Variants in MIA2 observed in about 807,000 individuals in gnomAD.
MIA2 encodes MIA SH3 domain ER export factor 2.
A neutral mutation model predicts 167.8 loss-of-function variants in MIA2; 127 were observed. The observed-to-expected ratio is 0.76, with a 90% CI of 0.66 to 0.88. The LOEUF (loss-of-function observed/expected upper bound fraction) is 0.88. Ranked by LOEUF, MIA2 falls within the 40% of genes least tolerant of loss-of-function variation. The pLI is 0.00. For missense variants in MIA2, 1,690 were observed against 1,624.7 expected (o/e 1.04, Z -0.69); for synonymous variants, 552 against 541.9 (o/e 1.02, Z -0.26).
At chr14:39,288,233 G>A (rs2060080002) in intron 9 of MIA2, among the ~76,000 whole-genome samples, 1 of 151,600 alleles carries the variant, frequency 6.6e-6, no homozygotes, top group African/African-American at 2.4e-5. Flanking sequence ...AGCATGAGGT[G>A]GGAGGATGGC....
At chr14:39,263,948 T>G (rs2055283739) in intron 6 of MIA2, among the ~76,000 whole-genome samples, 1 of 152,154 alleles carries the variant, frequency 6.6e-6, no homozygotes, top group Non-Finnish European at 1.5e-5. Context: ...CCTTTCTTTC[T>G]TATTTCCATG....
chr14:39,371,266 T>C (rs1199069014), intron 23 of MIA2, among the ~76,000 whole-genome samples: 1 of 152,188 alleles, frequency 6.6e-6, no homozygotes, highest in Non-Finnish European at 1.5e-5. Context: ...TTAGGATAAG[T>C]TTAGGAATGT....
downstream of MIA2, among the ~76,000 whole-genome samples, chr14:39,355,116 G>A (rs1033229050): frequency 2.7e-5 from 4 of 150,912 alleles, no homozygotes; most frequent in African/African-American, 7.3e-5. Context: ...AGCTTGATGG[G>A]GATGGCATTG....
At chr14:39,290,960 C>G (rs2060654116) in intron 9 of MIA2, 59 bp from the exon 10 acceptor site, 1 of 1,409,346 alleles carries the variant, frequency 7.1e-7, no homozygotes, top group African/African-American at 1.5e-5. Context: ...GGCATCTATC[C>G]AGATAAGATT....
chr14:39,356,745 T>C (rs2074538471), intron 23 of MIA2, among the ~76,000 whole-genome samples: 5 of 152,336 alleles, frequency 3.3e-5, no homozygotes, highest in African/African-American at 1.2e-4. Flanking sequence ...GATTCTGGTA[T>C]GTTGTATCTT....
At chr14:39,298,304 T>C (rs981228238) in intron 13 of MIA2, among the ~76,000 whole-genome samples, 2 of 151,266 alleles carry the variant, frequency 1.3e-5, no homozygotes, top group Non-Finnish European at 2.9e-5. Context: ...TAATACTGTA[T>C]ACTGTGTACT....
At chr14:39,316,977 C>A (rs2065567188) in intron 21 of MIA2, among the ~76,000 whole-genome samples, 1 of 152,144 alleles carries the variant, frequency 6.6e-6, no homozygotes, top group African/African-American at 2.4e-5. Flanking sequence ...AATTCCACAT[C>A]CCTCCCTCAC....
chr14:39,354,361 T>G (rs905581786), downstream of MIA2, among the ~76,000 whole-genome samples: 5 of 152,246 alleles, frequency 3.3e-5, no homozygotes, highest in Non-Finnish European at 4.4e-5. Context: ...CATAAATGTC[T>G]TCTTTTGAGA....
chr14:39,362,463 G>T (rs543283624), intron 23 of MIA2, among the ~76,000 whole-genome samples: 21 of 152,166 alleles, frequency 1.4e-4, no homozygotes, highest in African/African-American at 4.6e-4. Context: ...GGTTTTTTCA[G>T]TTTGTTAGCA....
chr14:39,325,015 G>A (rs1448577553), intron 24 of MIA2, among the ~76,000 whole-genome samples: 1 of 152,126 alleles, frequency 6.6e-6, no homozygotes, highest in Non-Finnish European at 1.5e-5. Flanking sequence ...TTGAGCCCAG[G>A]AGTTCAAGAC....
At chr14:39,259,418 A>G (rs1425427250) in intron 6 of MIA2, among the ~76,000 whole-genome samples, 1 of 152,266 alleles carries the variant, frequency 6.6e-6, no homozygotes, top group Non-Finnish European at 1.5e-5. Flanking sequence ...GAAGGAGAGT[A>G]TCTCTTTCAA....
chr14:39,238,687 T>C (rs886232757), intron 2 of MIA2, among the ~76,000 whole-genome samples: 1 of 149,476 alleles, frequency 6.7e-6, no homozygotes, highest in African/African-American at 2.5e-5. Context: ...GCCAGTTACT[T>C]GAGAGGCTAA....
intron 10 of MIA2, 66 bp from the exon 11 acceptor site, chr14:39,293,205 T>C (rs775646336): frequency 9.3e-7 from 1 of 1,072,366 alleles, no homozygotes; most frequent in East Asian, 2.4e-5. Flanking sequence ...TTTTTTATTA[T>C]GCTCGTCTGA....
chr14:39,387,783 C>T (rs757019805), exon 24 of MIA2: 2 of 152,178 alleles, frequency 1.3e-5, no homozygotes, highest in Non-Finnish European at 2.9e-5. Flanking sequence ...AAGAAATTGC[C>T]AGAGCCACCC....
Position 39,306,254 on chromosome 14 carries a change from T to A in MIA2, c.2878+1873T>A, listed in dbSNP as rs1307071890. Among the ~76,000 whole-genome samples, 3 of 152,206 alleles carry A rather than the reference T, an allele frequency of 2.0e-5. No individual in the cohort carries two copies. The East Asian group carries it at 5.8e-4, about 29-fold the overall frequency. On this transcript the variant is annotated intron_variant, in intron 17 of 28. Transcript: ENST00000640607. ...GGGTTATATTAGTCCGTTCTCACAT[T>A]GCTGTAAAGAACTACCTGAAACTGA...
rs1430102432 is a variant in MIA2, at chr14:39,314,728, G to A, written c.3120-11G>A. ...TATGTTAATAGTAGAATAATTATTCGTTCCATTTAGAAAGCGAGCCAAAGA... is the reference window on the plus strand; with the variant it reads ...TATGTTAATAGTAGAATAATTATTCATTCCATTTAGAAAGCGAGCCAAAGA... On this transcript the variant is annotated splice_polypyrimidine_tract_variant and intron_variant, in intron 19 of 28. Transcript: ENST00000640607. 5.7e-6 allele frequency: 9 copies of A among 1,581,418 alleles called. No homozygotes were observed. The highest frequency in any genetic ancestry group is 4.2e-5 in the African/African-American group (3 of 72,168).
At chr14:39,307,504 C>T (rs2063547035) in intron 17 of MIA2, among the ~76,000 whole-genome samples, 1 of 138,504 alleles carries the variant, frequency 7.2e-6, no homozygotes, top group Non-Finnish European at 1.5e-5. Context: ...TAGGTTCAAG[C>T]AATTCTCCTT....
intron 6 of MIA2, chr14:39,266,828 G>T (rs2152674212): frequency 1.2e-6 from 1 of 824,146 alleles, no homozygotes; most frequent in East Asian, 1.2e-4. Flanking sequence ...GCCTGGCGTC[G>T]GCCCCTGGGT....
At position 39,350,143 on chromosome 14, in the gene MIA2, C is replaced by T. The variant is rs772247441; in HGVS notation, c.4118C>T (p.Pro1373Leu). 2 of 1,400,988 alleles carry T rather than the reference C, an allele frequency of 1.4e-6. No individual in the cohort carries two copies. The highest frequency in any genetic ancestry group is 1.3e-5 in the South Asian group (1 of 77,378). 86.8% of individuals were successfully genotyped at this position (1,400,988 alleles called of 1,614,324 possible). ...AGGGGTTTTCCTCCTTACCTTCCCC[C>T]AAGACCTGGATTTTTCCCCCCACCC... ...PPRGFPPYLPPRPGFFPPPPH... is the reference protein window; with the variant it reads ...PPRGFPPYLPLRPGFFPPPPH... Residue 1373 changes from proline to leucine, a missense_variant, in exon 29 of 29, where the codon CCA (proline) becomes CTA (leucine). By Grantham distance (98) the Pro-to-Leu change is moderately conservative. Transcript: ENST00000640607.
Sources: gnomAD v4.1 joint callset for allele counts (sites outside exome capture counted in the v4.1 genomes callset) on GRCh38, gnomAD v4.1.1 for gene constraint, MANE v1.5 for transcripts, NCBI Gene and HGNC (gene_info 2026-07-23, HGNC 2026-07-21) for gene names.